The following GRIN2A variants were observed in gnomAD, a reference collection of about 807,000 sequenced individuals.
GRIN2A encodes the protein glutamate ionotropic receptor NMDA type subunit 2A.
In GRIN2A, 22 loss-of-function variants were observed where a neutral mutation model predicts 113.4. That is an observed-to-expected ratio of 0.19 (90% CI 0.14 to 0.28). The LOEUF (loss-of-function observed/expected upper bound fraction) is 0.28. Among genes scored for constraint, GRIN2A ranks in the 10% least tolerant of loss-of-function variants. GRIN2A has a pLI of 1.00. For synonymous variants in GRIN2A, 827 were observed against 738.4 expected (o/e 1.12, Z -1.94); for missense variants, 1,502 against 1,887.0 (o/e 0.80, Z 3.78).
chr16:9,814,748 G>A lies in GRIN2A; in HGVS notation c.2168+7516C>T, dbSNP rs374039863. ...AAAATGTACCTTCTTGGCCGGGTGC[G>A]GTGGCTCAGGCCTGTAGTCCCAGCA... On this transcript the variant is annotated intron_variant, in intron 10 of 12. Coordinates refer to ENST00000330684, the MANE Select transcript of GRIN2A (RefSeq NM_001134407.3). 8.5e-4 allele frequency among the ~76,000 whole-genome samples: 130 copies of A among 152,174 alleles called. 1 individual carries two copies. The highest frequency in any genetic ancestry group is 2.9e-3 in the African/African-American group (121 of 41,530).
intron 2 of GRIN2A, among the ~76,000 whole-genome samples, chr16:9,949,220 G>A (rs2045104828): frequency 6.6e-6 from 1 of 152,214 alleles, no homozygotes; most frequent in Non-Finnish European, 1.5e-5. Flanking sequence ...TAATTCATCT[G>A]TACAGTAATA....
chr16:9,960,425 C>A (rs539660329), intron 2 of GRIN2A, among the ~76,000 whole-genome samples: 1 of 152,160 alleles, frequency 6.6e-6, no homozygotes, highest in Non-Finnish European at 1.5e-5. Flanking sequence ...GATGCCTTTA[C>A]ATTTTCTTGC....
At chr16:9,831,475 G>A (rs1055162609) in intron 8 of GRIN2A, among the ~76,000 whole-genome samples, 9 of 148,444 alleles carry the variant, frequency 6.1e-5, no homozygotes, top group Admixed American at 1.3e-4. Context: ...GTACATGTAT[G>A]TCACCTGTCT....
chr16:9,811,688 G>C (rs529586336), intron 10 of GRIN2A, among the ~76,000 whole-genome samples: 1 of 152,356 alleles, frequency 6.6e-6, no homozygotes, highest in South Asian at 2.1e-4. Flanking sequence ...GAACCCTGCA[G>C]ATGGAGGTTG....
intron 11 of GRIN2A, among the ~76,000 whole-genome samples, chr16:9,793,967 A>G (rs988077732): frequency 1.3e-5 from 2 of 152,210 alleles, no homozygotes; most frequent in African/African-American, 4.8e-5. Context: ...GAAGAAAAAG[A>G]CCATGATAAC....
At chr16:10,073,048 C>T (rs1008698142) in intron 2 of GRIN2A, among the ~76,000 whole-genome samples, 3 of 151,354 alleles carry the variant, frequency 2.0e-5, no homozygotes, top group Admixed American at 6.6e-5. Context: ...CTCCTCCTCC[C>T]TAGTTCAAGA....
chr16:9,798,550 C>T (rs1903147216), intron 10 of GRIN2A, 86 bp from the exon 11 acceptor site: 1 of 943,970 alleles, frequency 1.1e-6, no homozygotes, highest in Admixed American at 1.9e-5. Flanking sequence ...CTGAAAGCAT[C>T]CCACACTTTC....
intron 7 of GRIN2A, among the ~76,000 whole-genome samples, chr16:9,835,594 C>T (rs1181743790): frequency 6.6e-6 from 1 of 152,158 alleles, no homozygotes; most frequent in East Asian, 1.9e-4. Context: ...CACCAATGAA[C>T]TTAAAACCCT....
chr16:10,144,712 A>T (rs913977050), intron 2 of GRIN2A, among the ~76,000 whole-genome samples: 2 of 152,088 alleles, frequency 1.3e-5, no homozygotes, highest in African/African-American at 4.8e-5. Flanking sequence ...AATGTCCATC[A>T]AGAGATGAAT....
At chr16:9,903,171 G>T (rs1483213724) in intron 3 of GRIN2A, among the ~76,000 whole-genome samples, 11 of 151,902 alleles carry the variant, frequency 7.2e-5, no homozygotes, top group Non-Finnish European at 5.9e-5. Flanking sequence ...GGGTTTCACT[G>T]TGTTAGCCAG....
Position 9,994,574 on chromosome 16 carries a change from A to G in GRIN2A, c.415-56023T>C, listed in dbSNP as rs142009120. 8.4e-3 allele frequency among the ~76,000 whole-genome samples: 1,279 copies of G among 152,310 alleles called. 10 individuals carry two copies. The highest frequency in any genetic ancestry group is 0.017 in the Middle Eastern group (5 of 294). On this transcript the variant is annotated intron_variant, in intron 2 of 12. Transcript: ENST00000330684. ...ACAGTTGGTTCACTTTTCTAAATGCAGGAGCAAGATGAGGGAAATTATTGA... is the reference window on the plus strand; with the variant it reads ...ACAGTTGGTTCACTTTTCTAAATGCGGGAGCAAGATGAGGGAAATTATTGA...
chr16:9,799,080 A>G (rs1459998366), intron 10 of GRIN2A, among the ~76,000 whole-genome samples: 1 of 152,246 alleles, frequency 6.6e-6, no homozygotes, highest in Non-Finnish European at 1.5e-5. Flanking sequence ...ATGCACAAAC[A>G]CGCATACACA....
At chr16:9,921,919 C>T (rs993978449) in intron 3 of GRIN2A, among the ~76,000 whole-genome samples, 3 of 152,180 alleles carry the variant, frequency 2.0e-5, no homozygotes, top group African/African-American at 7.2e-5. Context: ...TCATCTGTAA[C>T]ATAACACAGA....
chr16:9,939,359 G>A (rs556311269), intron 2 of GRIN2A, among the ~76,000 whole-genome samples: 8 of 152,190 alleles, frequency 5.3e-5, no homozygotes, highest in African/African-American at 1.4e-4. Flanking sequence ...GAAAGGAGGC[G>A]GACGATACGA....
chr16:9,962,967 T>C (rs1308245617), intron 2 of GRIN2A, among the ~76,000 whole-genome samples: 4 of 151,950 alleles, frequency 2.6e-5, no homozygotes, highest in East Asian at 3.9e-4. Flanking sequence ...TCATGTCCTT[T>C]GTAGGGGCAT....
chr16:10,045,666 C>T (rs143305018), intron 2 of GRIN2A, among the ~76,000 whole-genome samples: 3 of 152,318 alleles, frequency 2.0e-5, no homozygotes, highest in Non-Finnish European at 4.4e-5. Context: ...CATCCAGAAA[C>T]GTTTTGCAGA....
chr16:9,807,671 C>T (rs1308412335), intron 10 of GRIN2A, among the ~76,000 whole-genome samples: 1 of 151,996 alleles, frequency 6.6e-6, no homozygotes, highest in African/African-American at 2.4e-5. Context: ...ACACTGAGGC[C>T]CAGAGATCTC....
chr16:10,064,104 C>A (rs1244899014), intron 2 of GRIN2A, among the ~76,000 whole-genome samples: 1 of 152,172 alleles, frequency 6.6e-6, no homozygotes, highest in Non-Finnish European at 1.5e-5. Flanking sequence ...GCTTTTCTTA[C>A]CCATGGTAGG....
chr16:9,948,693 A>T (rs1380645356), intron 2 of GRIN2A, among the ~76,000 whole-genome samples: 1 of 152,196 alleles, frequency 6.6e-6, no homozygotes, highest in African/African-American at 2.4e-5. Flanking sequence ...AACATACTGC[A>T]TGGGAGTAAA....
Sources: gnomAD v4.1 joint callset for allele counts (sites outside exome capture counted in the v4.1 genomes callset) on GRCh38, gnomAD v4.1.1 for gene constraint, MANE v1.5 for transcripts, NCBI Gene and HGNC (gene_info 2026-07-23, HGNC 2026-07-21) for gene names.